Variants in PACSIN1 observed in about 807,000 individuals in gnomAD.
PACSIN1 encodes protein kinase C and casein kinase substrate in neurons 1, also known as protein kinase C and casein kinase substrate in neurons protein 1.
PACSIN1 carries 15 observed loss-of-function variants against 59.5 expected under a neutral mutation model. The observed-to-expected ratio is 0.25, with a 90% CI of 0.17 to 0.39. The LOEUF is 0.39. PACSIN1 is among the 10% of genes least tolerant of loss of function. The probability of loss-of-function intolerance (pLI) is 1.00; values close to 1 mark genes in which losing one functional copy is unlikely to be tolerated. For synonymous variants in PACSIN1, 210 were observed against 220.6 expected (o/e 0.95, Z 0.42); for missense variants, 420 against 580.2 (o/e 0.72, Z 2.84).
intron 1 of PACSIN1, among the ~76,000 whole-genome samples, chr6:34,467,090 A>G (rs941246129): frequency 1.3e-5 from 2 of 152,062 alleles, no homozygotes; most frequent in African/African-American, 4.8e-5. Context: ...ACAACCATAA[A>G]TAACCCACAT....
chr6:34,497,813 C>T (rs1766969804), intron 1 of PACSIN1, among the ~76,000 whole-genome samples: 1 of 152,148 alleles, frequency 6.6e-6, no homozygotes. Context: ...GCTAGAATCT[C>T]CCAAAGTCCC....
At position 34,530,228 on chromosome 6, in the gene PACSIN1, T is replaced by C. The variant is rs763287969; in HGVS notation, c.789-15T>C. On this transcript the variant is annotated splice_polypyrimidine_tract_variant and intron_variant, in intron 6 of 9. Coordinates refer to ENST00000244458, the MANE Select transcript of PACSIN1 (RefSeq NM_020804.5). This position sits in a 1 kb window ranked among gnomAD's most constrained non-coding sequence, Gnocchi z 4.4. ...GAATCTGTGCCCTCCACCTCCCCCA[T>C]CTCCCTGAGCACAGCTACATCCATG... 1 of 1,600,666 alleles carries C rather than the reference T, an allele frequency of 6.2e-7. No homozygotes were observed. Among genetic ancestry groups the C allele is most frequent in the African/African-American group, 1.3e-5 (1 of 74,728 alleles).
At chr6:34,472,510 T>G (rs1766586117) in intron 1 of PACSIN1, among the ~76,000 whole-genome samples, 2 of 152,180 alleles carry the variant, frequency 1.3e-5, no homozygotes, top group African/African-American at 4.8e-5. Context: ...ATATCATTAC[T>G]CATGAAGAAA....
rs193172224 is a variant in PACSIN1, at chr6:34,521,684, C to A, written c.-63-4559C>A. On this transcript the variant is annotated intron_variant, in intron 1 of 9. Transcript: ENST00000244458. This position sits in a 1 kb window ranked among gnomAD's most constrained non-coding sequence, Gnocchi z 4.3. Reference sequence around the variant, plus strand: ...GCTCCACAGAGAGAGAGGGCCACCCCTGAGATGGAGCTGTTGCTCCACTAC... The same window carrying A: ...GCTCCACAGAGAGAGAGGGCCACCCATGAGATGGAGCTGTTGCTCCACTAC... 1.1e-3 allele frequency among the ~76,000 whole-genome samples: 160 copies of A among 152,248 alleles called. 1 individual carries two copies. Among genetic ancestry groups the A allele is most frequent in the African/African-American group, 3.4e-3 (141 of 41,548 alleles).
intron 1 of PACSIN1, among the ~76,000 whole-genome samples, chr6:34,500,396 C>T (rs1190513984): frequency 6.6e-6 from 1 of 152,178 alleles, no homozygotes; most frequent in African/African-American, 2.4e-5. Flanking sequence ...TAAACTGGTA[C>T]AGCCACTGTG....
intron 1 of PACSIN1, among the ~76,000 whole-genome samples, chr6:34,491,694 C>T (rs1362297977): frequency 6.6e-6 from 1 of 151,994 alleles, no homozygotes; most frequent in Non-Finnish European, 1.5e-5. Context: ...TCACTGCAAC[C>T]TCCGCCTCCT....
chr6:34,531,408 G>A lies in PACSIN1; in HGVS notation c.1038-192G>A, dbSNP rs1767590836. On this transcript the variant is annotated intron_variant, in intron 8 of 9. Coordinates refer to ENST00000244458, the MANE Select transcript of PACSIN1 (RefSeq NM_020804.5). The surrounding 1 kb of genome is among the most constrained non-coding windows in gnomAD (Gnocchi z 4.4). Reference sequence around the variant, plus strand: ...TTCAATGCCCTCTCCCTCGAGGGCTGAATAATAACGCAAATGGTCCTGCAT... The same window carrying A: ...TTCAATGCCCTCTCCCTCGAGGGCTAAATAATAACGCAAATGGTCCTGCAT... Among the ~76,000 whole-genome samples the A allele has an allele frequency of 6.6e-6, 1 of 152,208 alleles. No homozygotes were observed. Among genetic ancestry groups the A allele is most frequent in the African/African-American group, 2.4e-5 (1 of 41,444 alleles).
At chr6:34,479,818 T>A (rs1692785495) in intron 1 of PACSIN1, among the ~76,000 whole-genome samples, 1 of 151,832 alleles carries the variant, frequency 6.6e-6, no homozygotes, top group Non-Finnish European at 1.5e-5. Flanking sequence ...ATTTTATTTT[T>A]AATTTTATTA....
intron 1 of PACSIN1, among the ~76,000 whole-genome samples, chr6:34,513,219 C>T (rs1767233101): frequency 6.6e-6 from 1 of 152,056 alleles, no homozygotes; most frequent in Admixed American, 6.5e-5. Context: ...TGGAATGCTT[C>T]ATGCAGCTAT....
intron 1 of PACSIN1, among the ~76,000 whole-genome samples, chr6:34,522,717 C>T (rs1767414808): frequency 6.6e-6 from 1 of 152,212 alleles, no homozygotes; most frequent in Non-Finnish European, 1.5e-5. Context: ...GGTCCAAAGG[C>T]CTGAGAACCA....
At chr6:34,483,001 CTTT>C (rs34111587) in intron 1 of PACSIN1, among the ~76,000 whole-genome samples, 4 of 111,996 alleles carry the variant, frequency 3.6e-5, no homozygotes, top group Non-Finnish European at 1.7e-5. Context: ...CCATGTTTAA[CTTT>C]TTTTTTTTTT....
rs766539104 is a variant in PACSIN1, at chr6:34,529,790, A to G, written c.737A>G (p.Lys246Arg). 5 of 1,614,078 alleles carry G rather than the reference A, an allele frequency of 3.1e-6. No individual in the cohort carries two copies. The highest frequency in any genetic ancestry group is 4.2e-6 in the Non-Finnish European group (5 of 1,179,994). ...QFEEKRLVFL[K>R]EVLLDIKRHL... ...GAGGAAAAGCGGCTGGTCTTCCTCA[A>G]GGAGGTGCTGCTGGACATCAAACGG... The change falls in exon 6 of 10, where the codon AAG becomes AGG. Residue 246 changes from lysine to arginine, a missense_variant. Coordinates refer to ENST00000244458, the MANE Select transcript of PACSIN1 (RefSeq NM_020804.5). This position sits in a 1 kb window ranked among gnomAD's most constrained non-coding sequence, Gnocchi z 6.3.
At chr6:34,494,024 C>A (rs1766914122) in intron 1 of PACSIN1, among the ~76,000 whole-genome samples, 2 of 152,192 alleles carry the variant, frequency 1.3e-5, no homozygotes, top group South Asian at 4.1e-4. Context: ...AATATCAGCT[C>A]TATTTGACAG....
chr6:34,531,796 G>A lies in PACSIN1; in HGVS notation c.1225+9G>A. 1 of 1,548,902 alleles carries A rather than the reference G, an allele frequency of 6.5e-7. No individual in the cohort carries two copies. Among genetic ancestry groups the A allele is most frequent in the Non-Finnish European group, 8.7e-7 (1 of 1,145,972 alleles). The stretch of plus-strand genomic sequence containing the variant: ...GCTCAGCTTTAAGGCCGGTAGGACG[G>A]CTGGGCGGGGCAGTGCCTGAGAGAG... On this transcript the variant is annotated intron_variant, in intron 9 of 9. Transcript: ENST00000244458. The surrounding 1 kb of genome is among the most constrained non-coding windows in gnomAD (Gnocchi z 4.4).
rs117283346 is a variant in PACSIN1 at position 34,474,013 on chromosome 6, A to G, written c.-64+7743A>G. Among the ~76,000 whole-genome samples, 433 of 152,258 alleles carry G rather than the reference A, an allele frequency of 2.8e-3. 4 individuals are homozygous for G. The highest frequency in any genetic ancestry group is 9.7e-3 in the African/African-American group (401 of 41,554). ...ATTGTTTAAATCAAGTTCCAGGTAA[A>G]GTTCACACGTTATGATTGGTTGATA... is the stretch of plus-strand genomic sequence containing the variant. On this transcript the variant is annotated intron_variant, in intron 1 of 9. Transcript: ENST00000244458.
chr6:34,513,363 T>G (rs3800471), intron 1 of PACSIN1, among the ~76,000 whole-genome samples: 18,803 of 152,084 alleles, frequency 0.12, 1,304 homozygotes, highest in African/African-American at 0.18. Flanking sequence ...TGTTGTATCT[T>G]CCCTCTCTGG....
chr6:34,467,162 A>G (rs1056310324), intron 1 of PACSIN1, among the ~76,000 whole-genome samples: 6 of 152,280 alleles, frequency 3.9e-5, no homozygotes, highest in Admixed American at 3.9e-4. Flanking sequence ...TTTTGCTTCC[A>G]TCCTCCATCC....
At chr6:34,502,460 C>CTTTT (rs562155609) in intron 1 of PACSIN1, among the ~76,000 whole-genome samples, 2 of 59,046 alleles carry the variant, frequency 3.4e-5, no homozygotes, top group African/African-American at 6.0e-5. Context: ...AAGAAGCCAT[C>CTTTT]TTTTTTTTTT....
intron 1 of PACSIN1, among the ~76,000 whole-genome samples, chr6:34,513,140 G>T (rs1197885224): frequency 6.6e-6 from 1 of 152,220 alleles, no homozygotes; most frequent in African/African-American, 2.4e-5. Context: ...AGTGTCTGTT[G>T]AATGGATGAA....
Sources: allele counts gnomAD v4.1 joint callset (sites outside exome capture counted in the v4.1 genomes callset), GRCh38; gene constraint gnomAD v4.1.1; non-coding constraint Gnocchi (gnomAD v3.1); transcripts MANE v1.5; gene names NCBI Gene and HGNC (gene_info 2026-07-23, HGNC 2026-07-21).